Variants in ADCY9 observed in about 807,000 individuals in gnomAD.
ADCY9 encodes adenylate cyclase 9.
In ADCY9, 50 loss-of-function variants were observed where a neutral mutation model predicts 101.5. The ratio of observed to expected loss-of-function variants is 0.49; its 90% CI spans 0.39 to 0.62. The LOEUF is 0.62. Among genes scored for constraint, ADCY9 ranks in the 20% least tolerant of loss-of-function variants. ADCY9 has a pLI of 0.00. For missense variants in ADCY9, 1,662 were observed against 1,800.4 expected, an observed-to-expected ratio of 0.92 and a Z score of 1.39; for synonymous variants, 905 against 769.3, an observed-to-expected ratio of 1.18 and a Z score of -2.92.
chr16:3,970,703 T>C (rs923371443), intron 10 of ADCY9, among the ~76,000 whole-genome samples: 1 of 152,234 alleles, frequency 6.6e-6, no homozygotes, highest in African/African-American at 2.4e-5. Context: ...ACAATGAGCT[T>C]GACCTGTGTG....
At chr16:4,094,053 C>T (rs2056988765) in intron 2 of ADCY9, among the ~76,000 whole-genome samples, 1 of 152,164 alleles carries the variant, frequency 6.6e-6, no homozygotes, top group Admixed American at 6.5e-5. Context: ...CTCATCAGCC[C>T]TGAAAGTGTT....
At chr16:4,049,205 A>T (rs2056685135) in intron 2 of ADCY9, among the ~76,000 whole-genome samples, 1 of 152,188 alleles carries the variant, frequency 6.6e-6, no homozygotes, top group South Asian at 2.1e-4. Flanking sequence ...CCAAACGGCC[A>T]CGCACAGCGT....
At chr16:4,035,002 G>A (rs554359692) in intron 2 of ADCY9, among the ~76,000 whole-genome samples, 21 of 152,280 alleles carry the variant, frequency 1.4e-4, no homozygotes, top group African/African-American at 4.3e-4. Context: ...TGCAGTCACC[G>A]CCTAGTTTAA....
At position 3,963,807 on chromosome 16, in the gene ADCY9, A is replaced by G. The variant is rs919724918; in HGVS notation, c.*1968T>C. 1.9e-5 allele frequency: 3 copies of G among 157,504 alleles called. No individual in the cohort carries two copies. The highest frequency in any genetic ancestry group is 7.2e-5 in the African/African-American group (3 of 41,558). The allele number at this position is 157,504 out of a possible 1,614,324, so 9.8% of individuals were successfully genotyped here. ...AGAGCTTCATGTGACCACAATCCCC[A>G]CGAACAAGGAAAGCATCAGGTAGTG... On this transcript the variant is annotated 3_prime_UTR_variant, in exon 11 of 11. Coordinates refer to ENST00000294016, the MANE Select transcript of ADCY9 (RefSeq NM_001116.4).
intron 2 of ADCY9, among the ~76,000 whole-genome samples, chr16:4,062,860 C>T (rs2056780629): frequency 6.6e-6 from 1 of 152,118 alleles, no homozygotes; most frequent in Non-Finnish European, 1.5e-5. Flanking sequence ...CAAACACTGA[C>T]TGAACCAAAG....
chr16:3,978,617 C>T (rs1043071095), intron 8 of ADCY9, among the ~76,000 whole-genome samples: 17 of 152,354 alleles, frequency 1.1e-4, no homozygotes, highest in African/African-American at 4.1e-4. Flanking sequence ...GGCCACTGCC[C>T]GGGCGTGAGC....
At chr16:3,957,338 G>C (rs1308903010) in intron 5 of ADCY9, among the ~76,000 whole-genome samples, 2 of 152,220 alleles carry the variant, frequency 1.3e-5, no homozygotes, top group African/African-American at 4.8e-5. Flanking sequence ...GAAAAGCATA[G>C]CATAACAGCA....
intron 2 of ADCY9, among the ~76,000 whole-genome samples, chr16:4,067,398 C>T (rs564105883): frequency 4.9e-4 from 74 of 152,296 alleles, no homozygotes; most frequent in African/African-American, 1.7e-3. Context: ...TGAGCAAGTT[C>T]CTTCCCTTCC....
chr16:4,105,903 C>T (rs937273291), intron 2 of ADCY9, among the ~76,000 whole-genome samples: 2 of 151,064 alleles, frequency 1.3e-5, no homozygotes, highest in African/African-American at 4.8e-5. Context: ...TAGAGGAAGG[C>T]ATATAAGCTA....
intron 10 of ADCY9, among the ~76,000 whole-genome samples, chr16:3,970,588 A>G (rs1459030142): frequency 6.6e-6 from 1 of 151,812 alleles, no homozygotes; most frequent in Admixed American, 6.6e-5. Context: ...TTGGCCTCCC[A>G]AAGTGCTGGG....
rs1555504954 is a variant in ADCY9, at chr16:3,963,143, T to TACAC, written c.*2631_*2632insGTGT. 1.3e-5 allele frequency: 2 copies of TACAC among 157,108 alleles called. No homozygotes were observed. The highest frequency in any genetic ancestry group is 3.7e-4 in the East Asian group (2 of 5,444). 9.7% of individuals were successfully genotyped at this position (157,108 alleles called of 1,614,324 possible). On this transcript the variant is annotated 3_prime_UTR_variant, in exon 11 of 11. Transcript: ENST00000294016. ...ATATATATATATATATATATATATA[T>TACAC]GGATATATAATTCGATCTGAGCTGG...
At chr16:3,995,075 C>G (rs1321199333) in intron 3 of ADCY9, among the ~76,000 whole-genome samples, 1 of 152,186 alleles carries the variant, frequency 6.6e-6, no homozygotes, top group Admixed American at 6.5e-5. Flanking sequence ...TTTGGAGACT[C>G]TGTTCAAATC....
chr16:3,958,922 G>A (rs1051329175), downstream of ADCY9, among the ~76,000 whole-genome samples: 20 of 151,210 alleles, frequency 1.3e-4, no homozygotes, highest in Admixed American at 2.6e-4. Context: ...TGATCCTCCC[G>A]CCTCGGCCTC....
chr16:4,089,614 C>A (rs764973533), intron 2 of ADCY9, among the ~76,000 whole-genome samples: 3 of 151,990 alleles, frequency 2.0e-5, no homozygotes, highest in African/African-American at 4.8e-5. Flanking sequence ...CTGGGCCCTA[C>A]GGTAGCTCCG....
chr16:3,995,526 G>C (rs1167596693), intron 3 of ADCY9, among the ~76,000 whole-genome samples: 1 of 151,954 alleles, frequency 6.6e-6, no homozygotes, highest in Non-Finnish European at 1.5e-5. Flanking sequence ...TTATTAATGT[G>C]ACCAGGTAAC....
chr16:3,966,589 C>T lies in ADCY9; in HGVS notation c.3248G>A (p.Arg1083Gln), dbSNP rs759871885. 3 of 1,614,178 alleles carry T rather than the reference C, an allele frequency of 1.9e-6. No individual in the cohort carries two copies. The highest frequency in any genetic ancestry group is 1.7e-6 in the Non-Finnish European group (2 of 1,180,034). ...ENYEGGKECYRVLNELIGDFD... is the reference protein window; with the variant it reads ...ENYEGGKECYQVLNELIGDFD... Reference sequence around the variant, plus strand: ...GTCCCCGATGAGCTCGTTGAGGACCCGGTAGCACTCCTTGCCGCCCTCGTA... The same window carrying T: ...GTCCCCGATGAGCTCGTTGAGGACCTGGTAGCACTCCTTGCCGCCCTCGTA... Residue 1083 changes from arginine to glutamine, a missense_variant, in exon 11 of 11, where the codon CGG becomes CAG. By Grantham distance (43) the Arg-to-Gln change is conservative (BLOSUM62 1). Transcript: ENST00000294016.
intron 2 of ADCY9, among the ~76,000 whole-genome samples, chr16:4,029,599 T>C (rs544123172): frequency 4.4e-4 from 67 of 152,008 alleles, no homozygotes; most frequent in Admixed American, 8.5e-4. Flanking sequence ...ATACAAAAAT[T>C]AGCTGGGTGA....
At chr16:4,035,360 C>T (rs998314727) in intron 2 of ADCY9, among the ~76,000 whole-genome samples, 18 of 152,096 alleles carry the variant, frequency 1.2e-4, no homozygotes, top group African/African-American at 4.3e-4. Context: ...TTAATAATTA[C>T]TTAATATATA....
intron 2 of ADCY9, among the ~76,000 whole-genome samples, chr16:4,050,921 C>T (rs981487632): frequency 6.6e-6 from 1 of 151,978 alleles, no homozygotes; most frequent in East Asian, 1.9e-4. Flanking sequence ...GAACCAAGAA[C>T]TAAACATGTG....
Sources: gnomAD v4.1 joint callset for allele counts (sites outside exome capture counted in the v4.1 genomes callset) on GRCh38, gnomAD v4.1.1 for gene constraint, MANE v1.5 for transcripts, NCBI Gene and HGNC (gene_info 2026-07-23, HGNC 2026-07-21) for gene names.